Variants in WWOX observed in about 807,000 individuals in gnomAD.
The protein encoded by WWOX is WW domain-containing oxidoreductase.
Under a neutral mutation model 46.2 loss-of-function variants are expected in WWOX, and 69 were observed. That is an observed-to-expected ratio of 1.49 (90% CI 1.23 to 1.82). The LOEUF (loss-of-function observed/expected upper bound fraction) is 1.82. Among genes scored for constraint, WWOX ranks in the 40% most tolerant of loss-of-function variants. The pLI, the probability that WWOX is intolerant of heterozygous loss-of-function variation, is 0.00. For synonymous variants in WWOX, 359 were observed against 202.6 expected (o/e 1.77, Z -6.56); for missense variants, 919 against 542.6 (o/e 1.69, Z -6.89).
chr16:78,902,010 G>A (rs2151243089), intron 8 of WWOX, among the ~76,000 whole-genome samples: 1 of 152,302 alleles, frequency 6.6e-6, no homozygotes, highest in South Asian at 2.1e-4. Flanking sequence ...TGGAAGAAGG[G>A]GATGAAATAG....
intron 8 of WWOX, among the ~76,000 whole-genome samples, chr16:78,520,511 G>C (rs1407691821): frequency 6.6e-6 from 1 of 152,090 alleles, no homozygotes; most frequent in South Asian, 2.1e-4. Flanking sequence ...ATGGTTCTGT[G>C]GAAGAAACAC....
intron 5 of WWOX, among the ~76,000 whole-genome samples, chr16:78,317,720 G>A (rs1256022399): frequency 6.6e-6 from 1 of 152,038 alleles, no homozygotes; most frequent in East Asian, 1.9e-4. Flanking sequence ...CAGCAGGTGT[G>A]CCTCCCCATG....
intron 4 of WWOX, among the ~76,000 whole-genome samples, chr16:78,125,976 C>G (rs1024072282): frequency 6.6e-6 from 1 of 152,044 alleles, no homozygotes; most frequent in African/African-American, 2.4e-5. Context: ...AAAAAAACCC[C>G]AATTCTTACC....
intron 5 of WWOX, among the ~76,000 whole-genome samples, chr16:78,251,363 C>G (rs945565932): frequency 2.0e-5 from 3 of 152,214 alleles, no homozygotes; most frequent in Non-Finnish European, 4.4e-5. Context: ...GCTTCGTCAT[C>G]TTCCCTAGGC....
At chr16:78,221,019 CA>C (rs1304707692) in intron 5 of WWOX, among the ~76,000 whole-genome samples, 6 of 151,968 alleles carry the variant, frequency 3.9e-5, no homozygotes, top group South Asian at 2.1e-4. Flanking sequence ...TTCTCTTATC[CA>C]AATGTATCAT....
chr16:78,243,389 G>A (rs933849142), intron 5 of WWOX, among the ~76,000 whole-genome samples: 5 of 151,896 alleles, frequency 3.3e-5, no homozygotes, highest in Admixed American at 1.3e-4. Context: ...AGTTTCTGGG[G>A]TACTCGTGCA....
At chr16:79,071,106 A>G (rs955814364) in intron 8 of WWOX, among the ~76,000 whole-genome samples, 21 of 152,196 alleles carry the variant, frequency 1.4e-4, no homozygotes, top group Non-Finnish European at 2.4e-4. Context: ...CATTTATTCC[A>G]TAGACTGTGA....
At chr16:78,312,265 C>A (rs979486818) in intron 5 of WWOX, among the ~76,000 whole-genome samples, 10 of 152,090 alleles carry the variant, frequency 6.6e-5, no homozygotes, top group African/African-American at 2.2e-4. Flanking sequence ...TAATTGAATT[C>A]AGCTTTACAG....
At chr16:79,200,241 A>G (rs1313385533) in intron 8 of WWOX, among the ~76,000 whole-genome samples, 1 of 152,098 alleles carries the variant, frequency 6.6e-6, no homozygotes, top group Non-Finnish European at 1.5e-5. Context: ...AAAGGAGGAG[A>G]AAGGTCCCTG....
At chr16:78,652,408 C>CAA (rs747993811) in intron 8 of WWOX, among the ~76,000 whole-genome samples, 228 of 107,078 alleles carry the variant, frequency 2.1e-3, no homozygotes, top group African/African-American at 3.4e-3. Flanking sequence ...GACTCCGTCT[C>CAA]AAAAAAAAAA....
At chr16:78,314,331 A>G (rs2080309664) in intron 5 of WWOX, among the ~76,000 whole-genome samples, 1 of 148,804 alleles carries the variant, frequency 6.7e-6, no homozygotes, top group South Asian at 2.2e-4. Context: ...GTGTGAACCC[A>G]GGACGCAGAG....
intron 8 of WWOX, among the ~76,000 whole-genome samples, chr16:78,605,094 A>T (rs978677684): frequency 1.3e-5 from 2 of 149,426 alleles, no homozygotes; most frequent in Non-Finnish European, 3.0e-5. Flanking sequence ...TCAGTTGGCA[A>T]ACTTAAAAGT....
At chr16:79,113,826 C>T (rs958010374) in intron 8 of WWOX, among the ~76,000 whole-genome samples, 9 of 152,192 alleles carry the variant, frequency 5.9e-5, no homozygotes, top group East Asian at 3.9e-4. Flanking sequence ...ACACCAGATG[C>T]GAAGAGCTAG....
intron 1 of WWOX, among the ~76,000 whole-genome samples, chr16:78,104,566 A>G (rs1375089186): frequency 6.6e-6 from 1 of 152,196 alleles, no homozygotes; most frequent in East Asian, 1.9e-4. Flanking sequence ...TATGATGTTC[A>G]CTTAAATTTG....
At position 78,915,521 on chromosome 16, in the gene WWOX, A is replaced by G. The variant is rs189056434; in HGVS notation, c.1057-296087A>G. Among the ~76,000 whole-genome samples the G allele has an allele frequency of 1.7e-4, 26 of 152,322 alleles. No individual in the cohort carries two copies. In the East Asian group the frequency reaches 3.3e-3, roughly 19 times the overall value. ...TACACAGAATGTCGCATGCAGATCA[A>G]TGAGCCAAATGTTAGCAGGGGACTG... is the stretch of plus-strand genomic sequence containing the variant. On this transcript the variant is annotated intron_variant, in intron 8 of 8. Coordinates refer to ENST00000566780, the MANE Select transcript of WWOX (RefSeq NM_016373.4).
chr16:78,206,868 C>G (rs569214539), intron 5 of WWOX, among the ~76,000 whole-genome samples: 1 of 152,170 alleles, frequency 6.6e-6, no homozygotes, highest in Non-Finnish European at 1.5e-5. Context: ...CCCTTTTAGT[C>G]TTTTCTGTGT....
chr16:78,273,843 A>G (rs186585727), intron 5 of WWOX, among the ~76,000 whole-genome samples: 2 of 152,246 alleles, frequency 1.3e-5, no homozygotes. Context: ...TGAAGATAGG[A>G]GGAGTCCTTT....
chr16:78,423,650 A>C (rs2083004819), intron 6 of WWOX, among the ~76,000 whole-genome samples: 3 of 152,226 alleles, frequency 2.0e-5, no homozygotes, highest in Admixed American at 6.5e-5. Context: ...CACCTTGGGC[A>C]ACATAGGGGG....
chr16:78,567,008 T>C (rs1327944097), intron 8 of WWOX, among the ~76,000 whole-genome samples: 1 of 152,174 alleles, frequency 6.6e-6, no homozygotes, highest in Non-Finnish European at 1.5e-5. Flanking sequence ...GTGCTTTCTA[T>C]GTGCCAGGCA....
Sources: gnomAD v4.1 joint callset for allele counts (sites outside exome capture counted in the v4.1 genomes callset) on GRCh38, gnomAD v4.1.1 for gene constraint, MANE v1.5 for transcripts, NCBI Gene and HGNC (gene_info 2026-07-23, HGNC 2026-07-21) for gene names.